Variants in GSG1L observed in about 807,000 individuals in gnomAD.
The protein encoded by GSG1L is GSG1 like.
In GSG1L, 24 loss-of-function variants were observed where a neutral mutation model predicts 42.1. The observed-to-expected ratio is 0.57, with a 90% CI of 0.41 to 0.80. GSG1L has a LOEUF of 0.80. Among genes scored for constraint, GSG1L ranks in the 30% least tolerant of loss-of-function variants. The pLI is 0.00. For synonymous variants in GSG1L, 215 were observed against 203.5 expected (o/e 1.06, Z -0.48); for missense variants, 445 against 472.2 (o/e 0.94, Z 0.53).
chr16:27,791,063 T>C lies in GSG1L; in HGVS notation c.*307A>G. 3.9e-6 allele frequency: 1 copy of C among 258,388 alleles called. No homozygotes were observed. Among genetic ancestry groups the C allele is most frequent in the African/African-American group, 2.2e-5 (1 of 45,414 alleles). 16.0% of individuals were successfully genotyped at this position (258,388 alleles called of 1,614,324 possible). On this transcript the variant is annotated 3_prime_UTR_variant, in exon 7 of 7. Coordinates refer to ENST00000447459, the MANE Select transcript of GSG1L (RefSeq NM_001109763.2). ...TGGGTGCCAGCCATTCAGTGGCCAG[T>C]GGCCATGTGTCTCCTGGCATCGCAG... is the stretch of plus-strand genomic sequence containing the variant.
At chr16:27,976,043 G>T (rs1955385457) in intron 1 of GSG1L, among the ~76,000 whole-genome samples, 1 of 152,328 alleles carries the variant, frequency 6.6e-6, no homozygotes, top group Non-Finnish European at 1.5e-5. Context: ...TGGAGGCTGA[G>T]GTGGGCAGAT....
intron 3 of GSG1L, among the ~76,000 whole-genome samples, chr16:27,880,524 G>A (rs113202356): frequency 0.064 from 9,757 of 152,270 alleles, 439 homozygotes; most frequent in Middle Eastern, 0.11. Flanking sequence ...GCATGACCTT[G>A]GGCAAGTCAA....
rs866104344 is a variant in GSG1L, at chr16:27,938,438, T to A, written c.397+24718A>T. ...AGAGAAAGACCGCTGGCTTCTCAACTGTTCAAAATTCTAGGCTGCCCAAAG... is the reference window on the plus strand; with the variant it reads ...AGAGAAAGACCGCTGGCTTCTCAACAGTTCAAAATTCTAGGCTGCCCAAAG... On this transcript the variant is annotated intron_variant, in intron 2 of 6. Coordinates refer to ENST00000447459, the MANE Select transcript of GSG1L (RefSeq NM_001109763.2). Among the ~76,000 whole-genome samples the A allele has an allele frequency of 3.8e-4, 57 of 149,116 alleles. 1 individual carries two copies. Among genetic ancestry groups the A allele is most frequent in the Admixed American group, 2.0e-3 (30 of 14,856 alleles).
intron 2 of GSG1L, among the ~76,000 whole-genome samples, chr16:27,959,773 C>A (rs371136542): frequency 3.9e-5 from 6 of 151,990 alleles, no homozygotes; most frequent in African/African-American, 1.5e-4. Flanking sequence ...CAGAGCAAGA[C>A]CCCATCTCAA....
rs1723955864 is a variant in GSG1L at position 27,888,491 on chromosome 16, CTTT to C, written c.398-3856_398-3854del. Among the ~76,000 whole-genome samples the C allele has an allele frequency of 1.5e-3, 9 of 5,990 alleles. 1 individual carries two copies. Among genetic ancestry groups the C allele is most frequent in the South Asian group, 0.016 (2 of 122 alleles). The allele number at this position is 5,990 out of a possible 152,430, so 3.9% of individuals were successfully genotyped here. A position where few individuals can be genotyped will look rare whatever the true frequency, so the allele number is the denominator to read the frequency against. Reference sequence around the variant, plus strand: ...CTCTCTCTCTCTCTTTCCTTTCTTTCTTTCTTTCTTTCTTTCTTTCTTTCTTTC... The same window carrying C: ...CTCTCTCTCTCTCTTTCCTTTCTTTCCTTTCTTTCTTTCTTTCTTTCTTTC... On this transcript the variant is annotated intron_variant, in intron 2 of 6. Transcript: ENST00000447459.
chr16:27,934,349 G>T (rs2084690910), intron 2 of GSG1L, among the ~76,000 whole-genome samples: 1 of 152,150 alleles, frequency 6.6e-6, no homozygotes, highest in Admixed American at 6.5e-5. Flanking sequence ...TTCGAGACCA[G>T]CCTGGCCAAC....
intron 2 of GSG1L, among the ~76,000 whole-genome samples, chr16:27,902,348 G>A (rs893555209): frequency 6.6e-6 from 1 of 152,196 alleles, no homozygotes; most frequent in Non-Finnish European, 1.5e-5. Flanking sequence ...GGGAAATGAA[G>A]ACTGAGAGAT....
At chr16:27,864,607 C>T (rs2083693228) in intron 3 of GSG1L, among the ~76,000 whole-genome samples, 1 of 152,240 alleles carries the variant, frequency 6.6e-6, no homozygotes, top group African/African-American at 2.4e-5. Context: ...GATGACATTA[C>T]AGAATGACCT....
chr16:27,984,907 G>C (rs966743733), intron 1 of GSG1L, among the ~76,000 whole-genome samples: 1 of 151,956 alleles, frequency 6.6e-6, no homozygotes, highest in Non-Finnish European at 1.5e-5. Flanking sequence ...ACAGGCGCGA[G>C]CCACCACGCC....
At chr16:27,800,478 C>T (rs965316517) in intron 6 of GSG1L, among the ~76,000 whole-genome samples, 12 of 152,198 alleles carry the variant, frequency 7.9e-5, no homozygotes, top group Non-Finnish European at 1.5e-4. Context: ...CAACTGCAAA[C>T]CTCAGTCGCC....
At chr16:28,031,221 A>AGGATGGGATGGGATG (rs74986650) in intron 1 of GSG1L, among the ~76,000 whole-genome samples, 1 of 69,392 alleles carries the variant, frequency 1.4e-5, no homozygotes, top group African/African-American at 5.8e-5. Flanking sequence ...GAGATGGAAT[A>AGGATGGGATGGGATG]GGATGGGATG....
At chr16:27,925,515 G>A (rs2084581734) in intron 2 of GSG1L, among the ~76,000 whole-genome samples, 1 of 152,330 alleles carries the variant, frequency 6.6e-6, no homozygotes, top group South Asian at 2.1e-4. Flanking sequence ...GAAGATTTCA[G>A]AGAAGAAAAT....
chr16:28,025,784 G>C (rs1465191408), intron 1 of GSG1L, among the ~76,000 whole-genome samples: 1 of 152,228 alleles, frequency 6.6e-6, no homozygotes, highest in African/African-American at 2.4e-5. Flanking sequence ...CAGTGTGTTG[G>C]GACAGAAGAG....
At chr16:28,031,326 G>GGGATGAGATGGGATGGGATT (rs749984804) in intron 1 of GSG1L, among the ~76,000 whole-genome samples, 1 of 147,252 alleles carries the variant, frequency 6.8e-6, no homozygotes, top group Non-Finnish European at 1.5e-5. Context: ...GGGATGGGAT[G>GGGATGAGATGGGATGGGATT]GGATGAGATG....
chr16:27,883,723 T>G (rs1596583621), intron 3 of GSG1L, among the ~76,000 whole-genome samples: 1 of 152,254 alleles, frequency 6.6e-6, no homozygotes, highest in African/African-American at 2.4e-5. Flanking sequence ...GGCCTCCTGA[T>G]GTTTTAGTTT....
rs534811253 is a variant in GSG1L, at chr16:27,891,398, C to T, written c.398-6760G>A. On this transcript the variant is annotated intron_variant, in intron 2 of 6. Transcript: ENST00000447459. ...CAATTTTTTAAAGCAAAGACAAGGC[C>T]GGCCTCAGACTCAGAATCTTCCATA... Among the ~76,000 whole-genome samples, 16 of 152,242 alleles carry T rather than the reference C, an allele frequency of 1.1e-4. No homozygotes were observed. In the East Asian group the frequency reaches 2.3e-3, roughly 22 times the overall value.
intron 2 of GSG1L, among the ~76,000 whole-genome samples, chr16:27,938,864 G>A (rs1357915479): frequency 6.6e-6 from 1 of 152,148 alleles, no homozygotes; most frequent in East Asian, 1.9e-4. Context: ...CCCAAGTACT[G>A]GCAAGGCAGA....
At chr16:27,987,336 G>A (rs2085397323) in intron 1 of GSG1L, among the ~76,000 whole-genome samples, 1 of 152,276 alleles carries the variant, frequency 6.6e-6, no homozygotes, top group African/African-American at 2.4e-5. Context: ...GATGGGTTTA[G>A]GCTATCTCTG....
At chr16:27,888,462 TTC>T (rs376201128) in intron 2 of GSG1L, among the ~76,000 whole-genome samples, 2,429 of 37,906 alleles carry the variant, frequency 0.064, 348 homozygotes, top group African/African-American at 0.13. Flanking sequence ...CTTTCTTTCT[TTC>T]TCTCTCTCTC....
Sources: allele counts gnomAD v4.1 joint callset (sites outside exome capture counted in the v4.1 genomes callset), GRCh38; gene constraint gnomAD v4.1.1; transcripts MANE v1.5; gene names NCBI Gene and HGNC (gene_info 2026-07-23, HGNC 2026-07-21).